Variants in MAPRE2 observed in about 807,000 individuals in gnomAD.
MAPRE2 encodes microtubule associated protein RP/EB family member 2.
A neutral mutation model predicts 43.2 loss-of-function variants in MAPRE2; 13 were observed. The ratio of observed to expected loss-of-function variants is 0.30; its 90% confidence interval spans 0.20 to 0.48. MAPRE2 has a LOEUF of 0.48. Ranked by LOEUF, MAPRE2 falls within the 20% of genes least tolerant of loss-of-function variation. The pLI, the probability that MAPRE2 is intolerant of heterozygous loss-of-function variation, is 0.99. For missense variants in MAPRE2, 161 were observed against 400.2 expected, an observed-to-expected ratio of 0.40 and a Z score of 5.10; for synonymous variants, 135 against 148.8, an observed-to-expected ratio of 0.91 and a Z score of 0.68.
At chr18:35,130,242 G>A (rs566977526) in intron 5 of MAPRE2, among the ~76,000 whole-genome samples, 1 of 152,156 alleles carries the variant, frequency 6.6e-6, no homozygotes, top group Admixed American at 6.5e-5. Flanking sequence ...CTGGGGAGAG[G>A]TTGGTTTGTT....
intron 1 of MAPRE2, among the ~76,000 whole-genome samples, chr18:35,046,819 A>G (rs1905645393): frequency 6.6e-6 from 1 of 152,200 alleles, no homozygotes; most frequent in Non-Finnish European, 1.5e-5. Context: ...GAAGCAATGA[A>G]TGCAGCTTTG....
At chr18:35,001,252 C>T (rs935629772) in intron 1 of MAPRE2, among the ~76,000 whole-genome samples, 15 of 152,132 alleles carry the variant, frequency 9.9e-5, no homozygotes, top group Admixed American at 7.9e-4. Context: ...TGGCTCACAC[C>T]TGTTATCCCA....
At chr18:35,121,605 A>T (rs1268479513) in intron 4 of MAPRE2, among the ~76,000 whole-genome samples, 1 of 152,230 alleles carries the variant, frequency 6.6e-6, no homozygotes, top group Non-Finnish European at 1.5e-5. Context: ...GCTTGAAAAA[A>T]AATTTGAAAT....
intron 1 of MAPRE2, among the ~76,000 whole-genome samples, chr18:34,995,653 C>T (rs1432792801): frequency 1.3e-5 from 2 of 152,122 alleles, no homozygotes; most frequent in Admixed American, 1.3e-4. Context: ...AAGTGGTGTG[C>T]ACCAAGGATG....
At chr18:35,012,068 G>T (rs1030841824) in intron 2 of MAPRE2, among the ~76,000 whole-genome samples, 1 of 152,144 alleles carries the variant, frequency 6.6e-6, no homozygotes, top group Non-Finnish European at 1.5e-5. Flanking sequence ...GCAGTGCTGT[G>T]GTTGGCAGAA....
chr18:35,010,374 C>G (rs1217935259), intron 2 of MAPRE2, among the ~76,000 whole-genome samples: 1 of 152,238 alleles, frequency 6.6e-6, no homozygotes, highest in Non-Finnish European at 1.5e-5. Context: ...CCACTGCATA[C>G]CAGCTTGTGA....
intron 1 of MAPRE2, among the ~76,000 whole-genome samples, chr18:35,045,066 A>G (rs1445471597): frequency 1.3e-5 from 2 of 152,258 alleles, no homozygotes; most frequent in Admixed American, 1.3e-4. Context: ...ATGGCTTAGC[A>G]GACTCATAGA....
intron 2 of MAPRE2, among the ~76,000 whole-genome samples, chr18:35,076,481 A>G (rs1171293068): frequency 6.6e-6 from 1 of 152,168 alleles, no homozygotes; most frequent in Non-Finnish European, 1.5e-5. Context: ...CACCTCAGAA[A>G]TGTCCCCCTC....
chr18:34,985,303 T>A (rs1291045178), intron 1 of MAPRE2, among the ~76,000 whole-genome samples: 2 of 5,928 alleles, frequency 3.4e-4, no homozygotes, highest in African/African-American at 4.2e-4. Flanking sequence ...TATTATATAT[T>A]GTATATATTA....
intron 1 of MAPRE2, among the ~76,000 whole-genome samples, chr18:35,045,443 T>TAA (rs141462263): frequency 4.8e-5 from 6 of 124,274 alleles, no homozygotes; most frequent in South Asian, 5.1e-4. Context: ...TCTGAATACT[T>TAA]TAAAAAAAAA....
At chr18:35,112,197 T>C (rs1203424760) in intron 4 of MAPRE2, among the ~76,000 whole-genome samples, 2 of 151,886 alleles carry the variant, frequency 1.3e-5, no homozygotes. Context: ...TTTTTTTTTT[T>C]TTATGGACGG....
intron 1 of MAPRE2, among the ~76,000 whole-genome samples, chr18:34,985,521 TA>T (rs1229349723): frequency 1.6e-5 from 1 of 61,740 alleles, no homozygotes; most frequent in Non-Finnish European, 2.7e-5. Flanking sequence ...ATATATATTA[TA>T]TATTATAAAT....
At chr18:35,081,148 G>A (rs942250889) in intron 2 of MAPRE2, among the ~76,000 whole-genome samples, 8 of 152,120 alleles carry the variant, frequency 5.3e-5, no homozygotes, top group Non-Finnish European at 1.2e-4. Context: ...TTAAAATTGC[G>A]CAGAATTGTG....
chr18:35,015,427 T>C (rs1257865989), intron 2 of MAPRE2, among the ~76,000 whole-genome samples: 1 of 152,104 alleles, frequency 6.6e-6, no homozygotes, highest in African/African-American at 2.4e-5. Flanking sequence ...TGAAACTTCG[T>C]TGTTGCTTTT....
intron 1 of MAPRE2, among the ~76,000 whole-genome samples, chr18:35,048,269 C>T (rs1905740036): frequency 6.6e-6 from 1 of 152,092 alleles, no homozygotes. Context: ...AGGACAGCAT[C>T]GAGCTATGAG....
intron 2 of MAPRE2, among the ~76,000 whole-genome samples, chr18:35,072,407 A>C (rs1015525839): frequency 6.6e-6 from 1 of 152,208 alleles, no homozygotes; most frequent in African/African-American, 2.4e-5. Context: ...GGATAAGGGA[A>C]ACAAGGTTGG....
intron 2 of MAPRE2, among the ~76,000 whole-genome samples, chr18:35,035,377 G>A (rs2097050032): frequency 6.6e-6 from 1 of 151,458 alleles, no homozygotes. Flanking sequence ...TGGGGGGAGA[G>A]GGGAGGGATA....
chr18:35,074,388 T>C (rs933395807), intron 2 of MAPRE2, among the ~76,000 whole-genome samples: 1 of 152,128 alleles, frequency 6.6e-6, no homozygotes, highest in African/African-American at 2.4e-5. Context: ...GTGCTAAAAA[T>C]CTCTAAAAGC....
At chr18:35,135,910 C>G (rs1164478029) in intron 6 of MAPRE2, among the ~76,000 whole-genome samples, 1 of 152,244 alleles carries the variant, frequency 6.6e-6, no homozygotes, top group East Asian at 1.9e-4. Flanking sequence ...CAGGTTGCAG[C>G]ACATGCTGTT....
Sources: gnomAD v4.1 joint callset for allele counts (sites outside exome capture counted in the v4.1 genomes callset) on GRCh38, gnomAD v4.1.1 for gene constraint, MANE v1.5 for transcripts, NCBI Gene and HGNC (gene_info 2026-07-23, HGNC 2026-07-21) for gene names.